The following CUL4A variants were observed in gnomAD, a reference collection of about 807,000 sequenced individuals.
The protein encoded by CUL4A is cullin 4A.
A neutral mutation model predicts 95.5 loss-of-function variants in CUL4A; 16 were observed. The ratio of observed to expected loss-of-function variants is 0.17; its 90% confidence interval spans 0.11 to 0.25. The LOEUF is 0.25. Ranked by LOEUF, CUL4A falls within the 10% of genes least tolerant of loss-of-function variation. The probability of loss-of-function intolerance (pLI) is 1.00; values close to 1 mark genes in which losing one functional copy is unlikely to be tolerated. For missense variants in CUL4A, 610 were observed against 937.0 expected, an observed-to-expected ratio of 0.65 and a Z score of 4.56; for synonymous variants, 380 against 353.1, an observed-to-expected ratio of 1.08 and a Z score of -0.85.
chr13:113,226,049 C>T (rs1165045692), intron 3 of CUL4A, among the ~76,000 whole-genome samples: 1 of 152,280 alleles, frequency 6.6e-6, no homozygotes, highest in African/African-American at 2.4e-5. Context: ...GGACTCAGAC[C>T]CCCCGGGAGC....
At chr13:113,229,604 T>C in intron 5 of CUL4A, 85 bp downstream of exon 5, 1 of 1,127,380 alleles carries the variant, frequency 8.9e-7, no homozygotes, top group South Asian at 1.3e-5. Context: ...GCTAAGATGG[T>C]AAAGTGTGTG....
At chr13:113,232,843 A>G (rs2041404305) in intron 5 of CUL4A, among the ~76,000 whole-genome samples, 1 of 152,070 alleles carries the variant, frequency 6.6e-6, no homozygotes, top group South Asian at 2.1e-4. Context: ...CGTGGTGCCC[A>G]ACTGCCTGAG....
chr13:113,255,175 A>T, intron 18 of CUL4A, 50 bp downstream of exon 18: 1 of 1,442,034 alleles, frequency 6.9e-7, no homozygotes, highest in Non-Finnish European at 9.5e-7. Flanking sequence ...GCAGGGAATC[A>T]TTTGTTTTTG....
At chr13:113,208,741 G>T (rs1406897249), upstream of CUL4A, 43 of 1,484,590 alleles carry the variant, frequency 2.9e-5, no homozygotes, top group Non-Finnish European at 3.8e-5. Context: ...CGGCCCCGCC[G>T]CGGGTGCGCA....
chr13:113,208,280 G>A, upstream of CUL4A: 2 of 1,436,310 alleles, frequency 1.4e-6, no homozygotes, highest in Non-Finnish European at 1.8e-6. Context: ...AGGCCCTTCG[G>A]ACCGCCTGGG....
intron 19 of CUL4A, among the ~76,000 whole-genome samples, 191 bp downstream of exon 19, chr13:113,260,950 G>C (rs2042259999): frequency 6.6e-6 from 1 of 152,166 alleles, no homozygotes; most frequent in Non-Finnish European, 1.5e-5. Flanking sequence ...CTGCAGAAAT[G>C]ATAGAGCCCT....
intron 18 of CUL4A, among the ~76,000 whole-genome samples, chr13:113,259,655 T>G (rs188128379): frequency 3.9e-5 from 6 of 152,348 alleles, no homozygotes; most frequent in African/African-American, 1.4e-4. Context: ...TTCACAGATT[T>G]CCTAATGTTG....
At chr13:113,244,911 C>T (rs778587438) in intron 12 of CUL4A, 38 bp from the exon 13 acceptor site, 15 of 1,304,434 alleles carry the variant, frequency 1.1e-5, no homozygotes, top group Middle Eastern at 1.8e-4. Flanking sequence ...CTTATCAACT[C>T]TCTGATGTCT....
At position 113,262,789 on chromosome 13, in the gene CUL4A, GCC is replaced by G. The variant is rs1491111303; in HGVS notation, c.2185-696_2185-695del. The stretch of plus-strand genomic sequence containing the variant: ...GATCGGGTCTGCCTCACTTATACGT[GCC>G]CTTGCTGATGGCAGATGTCGGATCT... On this transcript the variant is annotated intron_variant, in intron 19 of 19. Transcript: ENST00000375440. 174 of 152,376 alleles carry G rather than the reference GCC, an allele frequency of 1.1e-3. 22 individuals are homozygous for G. Among genetic ancestry groups the G allele is most frequent in the Middle Eastern group, 6.8e-3 (2 of 294 alleles). 9.4% of individuals were successfully genotyped at this position (152,376 alleles called of 1,614,324 possible).
chr13:113,232,530 G>A (rs975158994), intron 5 of CUL4A, among the ~76,000 whole-genome samples: 3 of 152,224 alleles, frequency 2.0e-5, no homozygotes, highest in African/African-American at 7.2e-5. Context: ...CTTGGCCACT[G>A]GGGACAGTAG....
Position 113,254,982 on chromosome 13 carries a change from T to A in CUL4A, c.1888T>A (p.Ser630Thr). 1 of 1,613,928 alleles carries A rather than the reference T, an allele frequency of 6.2e-7. No individual in the cohort carries two copies. The highest frequency in any genetic ancestry group is 8.5e-7 in the Non-Finnish European group (1 of 1,179,926). ...TAGTGAATTGCGCAGAACGCTGCAG[T>A]CCCTGGCCTGTGGCAAAGCACGTGT... ...EDSELRRTLQ[S>T]LACGKARVLI... The change falls in exon 18 of 20, where the codon TCC becomes ACC. Residue 630 changes from serine (S) to threonine (T), a missense_variant. Around this residue, in one of 10 missense-constraint regions of CUL4A, gnomAD observed 72 missense variants for 93.2 expected, o/e 0.77. Coordinates refer to ENST00000375440, the MANE Select transcript of CUL4A (RefSeq NM_001008895.4).
At chr13:113,216,121 C>G (rs2040680665) in intron 2 of CUL4A, among the ~76,000 whole-genome samples, 1 of 151,316 alleles carries the variant, frequency 6.6e-6, no homozygotes, top group African/African-American at 2.4e-5. Flanking sequence ...CGCTGTGTGA[C>G]TATGGAGGTC....
chr13:113,227,318 G>A (rs2041140500), intron 3 of CUL4A, among the ~76,000 whole-genome samples: 1 of 152,154 alleles, frequency 6.6e-6, no homozygotes, highest in African/African-American at 2.4e-5. Flanking sequence ...TGTCTGGTGG[G>A]GCCCCGCTTC....
At chr13:113,259,547 G>C (rs1161483821) in intron 18 of CUL4A, among the ~76,000 whole-genome samples, 2 of 152,108 alleles carry the variant, frequency 1.3e-5, no homozygotes, top group Non-Finnish European at 2.9e-5. Flanking sequence ...GCTAATGTTT[G>C]TTTTAAATCA....
Position 113,242,969 on chromosome 13 carries a change from C to G in CUL4A, c.1037C>G (p.Thr346Ser), listed in dbSNP as rs766324333. ...LLQHWSEYIKTFGTAIVINPE... is the reference protein window; with the variant it reads ...LLQHWSEYIKSFGTAIVINPE... Reference sequence around the variant, plus strand: ...GTTGGTATTGATTTGCTTTTGTAGACTTTTGGAACAGCGATCGTAATCAAT... The same window carrying G: ...GTTGGTATTGATTTGCTTTTGTAGAGTTTTGGAACAGCGATCGTAATCAAT... Residue 346 changes from threonine to serine, a missense_variant and splice_region_variant, in exon 11 of 20, where the codon ACT (threonine) becomes AGT (serine). Physicochemically the swap from Thr to Ser is moderately conservative, Grantham distance 58 (BLOSUM62 1). Coordinates refer to ENST00000375440, the MANE Select transcript of CUL4A (RefSeq NM_001008895.4). 88 of 1,601,516 alleles carry G rather than the reference C, an allele frequency of 5.5e-5. No homozygotes were observed. The highest frequency in any genetic ancestry group is 2.2e-5 in the East Asian group (1 of 44,560).
intron 15 of CUL4A, among the ~76,000 whole-genome samples, chr13:113,250,527 G>A (rs1595418024): frequency 6.6e-6 from 1 of 152,170 alleles, no homozygotes; most frequent in Non-Finnish European, 1.5e-5. Flanking sequence ...ATATGTTTCA[G>A]TCTTTGACCC....
At chr13:113,252,806 C>G (rs1252652978) in intron 15 of CUL4A, among the ~76,000 whole-genome samples, 1 of 152,218 alleles carries the variant, frequency 6.6e-6, no homozygotes, top group Non-Finnish European at 1.5e-5. Flanking sequence ...CTCTGTGCCA[C>G]TGGCCCCAGC....
chr13:113,239,257 A>G (rs911448631), intron 9 of CUL4A, among the ~76,000 whole-genome samples, 176 bp from the exon 10 acceptor site: 2 of 152,254 alleles, frequency 1.3e-5, no homozygotes, highest in African/African-American at 4.8e-5. Context: ...TTCACCTAAT[A>G]GGATCCATCT....
intron 4 of CUL4A, 126 bp from the exon 5 acceptor site, chr13:113,229,320 T>C: frequency 2.9e-6 from 2 of 699,136 alleles, no homozygotes; most frequent in South Asian, 1.7e-5. Context: ...AAATAAAACA[T>C]GAGGGCTGTG....
Sources: allele counts gnomAD v4.1 joint callset (sites outside exome capture counted in the v4.1 genomes callset), GRCh38; gene constraint gnomAD v4.1.1; regional missense constraint gnomAD v4.1.1; transcripts MANE v1.5; gene names NCBI Gene and HGNC (gene_info 2026-07-23, HGNC 2026-07-21).